Variants in SPAM1 observed in about 807,000 individuals in gnomAD.
SPAM1 encodes the protein hyaluronidase PH-20.
In SPAM1, 22 loss-of-function variants were observed where a neutral mutation model predicts 29.6. The ratio of observed to expected loss-of-function variants is 0.74; its 90% confidence interval spans 0.53 to 1.06. SPAM1 has a LOEUF of 1.06. SPAM1 is among the 50% of genes least tolerant of loss of function. The pLI, the probability that SPAM1 is intolerant of heterozygous loss-of-function variation, is 0.00. For missense variants in SPAM1, 534 were observed against 604.0 expected (o/e 0.88, Z 1.21); for synonymous variants, 194 against 204.6 (o/e 0.95, Z 0.44).
Position 123,959,940 on chromosome 7 carries a change from C to G in SPAM1, c.1501C>G (p.Leu501Val), listed in dbSNP as rs983102011. ...AATGTTCATTGTTAGTATTTTGTTTCTTATCATTTCTTCTGTAGCGAGTTT... is the reference window on the plus strand; with the variant it reads ...AATGTTCATTGTTAGTATTTTGTTTGTTATCATTTCTTCTGTAGCGAGTTT... ...ATMFIVSILF[L>V]IISSVASL The change falls in exon 5 of 5, where the codon CTT (leucine) becomes GTT (valine). Residue 501 changes from leucine (L) to valine (V), a missense_variant. Leu to Val is a conservative substitution (Grantham distance 32). Transcript: ENST00000682466. 10 of 1,610,092 alleles carry G rather than the reference C, an allele frequency of 6.2e-6. No homozygotes were observed. Among genetic ancestry groups the G allele is most frequent in the Non-Finnish European group, 8.5e-6 (10 of 1,178,664 alleles).
chr7:123,929,105 GGA>G (rs1807987294), intron 1 of SPAM1, among the ~76,000 whole-genome samples: 1 of 152,116 alleles, frequency 6.6e-6, no homozygotes, highest in South Asian at 2.1e-4. Context: ...CAATAAAGGT[GGA>G]AATAATAAGA....
intron 1 of SPAM1, among the ~76,000 whole-genome samples, chr7:123,945,445 T>C (rs999594108): frequency 4.6e-5 from 7 of 152,024 alleles, no homozygotes; most frequent in Non-Finnish European, 1.0e-4. Context: ...ACTTTGTTAG[T>C]TTTTGTCCAC....
intron 1 of SPAM1, chr7:123,947,619 C>CACACACACACAG (rs1554429695): frequency 2.8e-5 from 4 of 143,480 alleles, no homozygotes; most frequent in African/African-American, 1.0e-4. Flanking sequence ...CACACACACA[C>CACACACACACAG]AGACAGGTTC....
chr7:123,945,699 A>G (rs1386502998), intron 1 of SPAM1, among the ~76,000 whole-genome samples: 2 of 152,122 alleles, frequency 1.3e-5, no homozygotes, highest in Admixed American at 6.5e-5. Flanking sequence ...TTTCCCTGGT[A>G]TTGAAGATGG....
chr7:123,958,187 C>T (rs919140308), intron 4 of SPAM1, among the ~76,000 whole-genome samples: 4 of 151,986 alleles, frequency 2.6e-5, no homozygotes, highest in Non-Finnish European at 5.9e-5. Context: ...ATGGAAGCTG[C>T]CAAGATTCCT....
intron 2 of SPAM1, among the ~76,000 whole-genome samples, chr7:123,952,082 G>A (rs1792108794): frequency 1.3e-5 from 2 of 152,110 alleles, no homozygotes; most frequent in African/African-American, 4.8e-5. Flanking sequence ...TTGATGGTTG[G>A]TATTTAAAAG....
At chr7:123,942,140 T>A (rs1448991412) in intron 1 of SPAM1, among the ~76,000 whole-genome samples, 1 of 152,158 alleles carries the variant, frequency 6.6e-6, no homozygotes, top group Non-Finnish European at 1.5e-5. Flanking sequence ...TTTGCAGGAC[T>A]TTAAAAAAGC....
downstream of SPAM1, among the ~76,000 whole-genome samples, chr7:123,960,996 C>T (rs1377866460): frequency 6.6e-6 from 1 of 151,698 alleles, no homozygotes; most frequent in African/African-American, 2.4e-5. Context: ...CTTGTATAGT[C>T]TTTTACATTA....
Position 123,954,528 on chromosome 7 carries a change from A to C in SPAM1, c.954+4A>C. 1 of 1,570,546 alleles carries C rather than the reference A, an allele frequency of 6.4e-7. No homozygotes were observed. Among genetic ancestry groups the C allele is most frequent in the Non-Finnish European group, 8.7e-7 (1 of 1,146,678 alleles). On this transcript the variant is annotated splice_donor_region_variant and intron_variant, in intron 3 of 4. Coordinates refer to ENST00000682466, the MANE Select transcript of SPAM1 (RefSeq NM_153189.3). ...AGTTTTGAAATTCCTTTCTCAAGTA[A>C]GTAAATCAGGGTATGAGGGCTAGGA...
At chr7:123,968,895 T>C (rs937818889) in intron 5 of SPAM1, among the ~76,000 whole-genome samples, 2 of 152,070 alleles carry the variant, frequency 1.3e-5, no homozygotes, top group Non-Finnish European at 2.9e-5. Context: ...ATGCTAACAT[T>C]GTTGTTATTT....
chr7:123,942,037 A>G (rs1427905179), intron 1 of SPAM1, among the ~76,000 whole-genome samples: 1 of 152,206 alleles, frequency 6.6e-6, no homozygotes, highest in Non-Finnish European at 1.5e-5. Flanking sequence ...ATTACTCTGA[A>G]GTCTATGAAT....
At position 123,954,422 on chromosome 7, in the gene SPAM1, A is replaced by G. The variant is rs1351882546; in HGVS notation, c.852A>G (p.Glu284=). 6.2e-7 allele frequency: 1 copy of G among 1,613,444 alleles called. No individual in the cohort carries two copies. The highest frequency in any genetic ancestry group is 8.5e-7 in the Non-Finnish European group (1 of 1,179,642). ...ATLYVRNRVR[E]AIRVSKIPDA... The stretch of plus-strand genomic sequence containing the variant: ...TCTATGTGCGCAATCGAGTTCGGGA[A>G]GCCATCAGAGTTTCCAAAATACCTG... Residue 284 remains glutamate, a synonymous_variant, in exon 3 of 5, where the codon GAA becomes GAG. Coordinates refer to ENST00000682466, the MANE Select transcript of SPAM1 (RefSeq NM_153189.3).
intron 1 of SPAM1, among the ~76,000 whole-genome samples, chr7:123,942,994 G>A (rs1474794326): frequency 6.6e-6 from 1 of 152,154 alleles, no homozygotes; most frequent in Non-Finnish European, 1.5e-5. Flanking sequence ...CCAAATTTTG[G>A]AGAAATCATG....
chr7:123,970,134 A>G, intron 5 of SPAM1: 2 of 1,524,434 alleles, frequency 1.3e-6, no homozygotes, highest in Non-Finnish European at 1.8e-6. Flanking sequence ...TGATGCTATA[A>G]CAAAGTGCCA....
intron 5 of SPAM1, among the ~76,000 whole-genome samples, chr7:123,967,169 A>G (rs1792436168): frequency 6.6e-6 from 1 of 151,992 alleles, no homozygotes. Context: ...TGCTTCTTCA[A>G]CAGTAACATT....
chr7:123,928,253 C>A (rs990590751), intron 1 of SPAM1, among the ~76,000 whole-genome samples: 2 of 152,130 alleles, frequency 1.3e-5, no homozygotes, highest in Non-Finnish European at 2.9e-5. Flanking sequence ...CACTCAGTAG[C>A]TATCCAATCT....
downstream of SPAM1, among the ~76,000 whole-genome samples, chr7:123,962,093 T>G (rs921542478): frequency 6.6e-6 from 1 of 152,008 alleles, no homozygotes; most frequent in African/African-American, 2.4e-5. Flanking sequence ...TTTAGTTTTC[T>G]AAGAAACCTC....
chr7:123,967,047 G>C (rs1462828071), intron 5 of SPAM1, among the ~76,000 whole-genome samples: 1 of 151,968 alleles, frequency 6.6e-6, no homozygotes, highest in East Asian at 1.9e-4. Context: ...ATTGAGAAAA[G>C]AGGAAGCTTA....
downstream of SPAM1, among the ~76,000 whole-genome samples, chr7:123,960,528 C>G (rs1219516282): frequency 6.6e-6 from 1 of 151,922 alleles, no homozygotes; most frequent in Non-Finnish European, 1.5e-5. Context: ...TCTGGTGCCA[C>G]TGAAGACTCT....
Sources: allele counts gnomAD v4.1 joint callset (sites outside exome capture counted in the v4.1 genomes callset), GRCh38; gene constraint gnomAD v4.1.1; transcripts MANE v1.5; gene names NCBI Gene and HGNC (gene_info 2026-07-23, HGNC 2026-07-21).